STK10: variants seen among roughly 807,000 people sequenced by gnomAD.
STK10 encodes the protein serine/threonine kinase 10.
In STK10, 78 loss-of-function variants were observed where a neutral mutation model predicts 113.8. The observed-to-expected ratio is 0.69, with a 90% CI of 0.57 to 0.83. The LOEUF (loss-of-function observed/expected upper bound fraction) is 0.83. Ranked by LOEUF, STK10 falls within the 40% of genes least tolerant of loss-of-function variation. The pLI, the probability that STK10 is intolerant of heterozygous loss-of-function variation, is 0.00. For synonymous variants in STK10, 465 were observed against 494.7 expected (o/e 0.94, Z 0.80); for missense variants, 1,109 against 1,280.1 (o/e 0.87, Z 2.04).
Position 172,133,079 on chromosome 5 carries a change from C to T in STK10, c.322-5658G>A, listed in dbSNP as rs532656228. On this transcript the variant is annotated intron_variant, in intron 2 of 18. Transcript: ENST00000176763. This position sits in a 1 kb window ranked among gnomAD's most constrained non-coding sequence, Gnocchi z 4.9. ...GGGGCAGCAGGGAAAAGCGTGGAAG[C>T]GGGTAATGGCGGAGCATTCCATGGG... 3.1e-4 allele frequency among the ~76,000 whole-genome samples: 47 copies of T among 152,294 alleles called. No homozygotes were observed. Among genetic ancestry groups the T allele is most frequent in the African/African-American group, 9.4e-4 (39 of 41,564 alleles).
In STK10 at chr5:172,082,837, C is replaced by T. The variant is rs1048624689; in HGVS notation, c.1809+124G>A. On this transcript the variant is annotated intron_variant, in intron 11 of 18. Transcript: ENST00000176763. This position sits in a 1 kb window ranked among gnomAD's most constrained non-coding sequence, Gnocchi z 4.3. ...ACTGCCTAACAAGATCGGGAAGCCC[C>T]CAGGAATTGGGCAATTGTTGTGAAT... 8.3e-6 allele frequency: 12 copies of T among 1,453,634 alleles called. No individual in the cohort carries two copies. Among genetic ancestry groups the T allele is most frequent in the Non-Finnish European group, 1.1e-5 (12 of 1,082,668 alleles). The allele number at this position is 1,453,634 out of a possible 1,614,324, so 90.0% of individuals were successfully genotyped here.
rs746051124 is a variant in STK10 at position 172,107,772 on chromosome 5, C to G, written c.593+8G>C. The G allele has an allele frequency of 6.8e-6, 11 of 1,613,670 alleles. No homozygotes were observed. Among genetic ancestry groups the G allele is most frequent in the Admixed American group, 3.3e-5 (2 of 59,978 alleles). Reference sequence around the variant, plus strand: ...GTCCATTCCATTTCCAGAAGCTACACGACTCACCAGTAAGGCGTGCCGATG... The same window carrying G: ...GTCCATTCCATTTCCAGAAGCTACAGGACTCACCAGTAAGGCGTGCCGATG... On this transcript the variant is annotated splice_region_variant and intron_variant, in intron 5 of 18. Coordinates refer to ENST00000176763, the MANE Select transcript of STK10 (RefSeq NM_005990.4).
chr5:172,048,413 CT>C (rs1767541201), intron 18 of STK10, among the ~76,000 whole-genome samples: 3 of 37,958 alleles, frequency 7.9e-5, no homozygotes, highest in South Asian at 5.1e-4. Flanking sequence ...CTCCCTCTCC[CT>C]ACACACACAC....
intron 3 of STK10, 146 bp downstream of exon 3, chr5:172,127,227 G>C: frequency 1.3e-6 from 1 of 756,804 alleles, no homozygotes; most frequent in Non-Finnish European, 2.1e-6. Flanking sequence ...AGCAGACATA[G>C]TAGAGAGGTG....
At chr5:172,153,310 A>ATGAGAG in intron 2 of STK10, among the ~76,000 whole-genome samples, 1 of 151,946 alleles carries the variant, frequency 6.6e-6, no homozygotes, top group African/African-American at 2.4e-5. Context: ...GAAAGAAAGA[A>ATGAGAG]AGAAAGAAAG....
At chr5:172,138,444 T>C (rs1473308762) in intron 2 of STK10, among the ~76,000 whole-genome samples, 1 of 152,138 alleles carries the variant, frequency 6.6e-6, no homozygotes, top group Non-Finnish European at 1.5e-5. Flanking sequence ...TCTGTTGGTA[T>C]ACAACATAAT....
chr5:172,174,593 AAAG>A (rs372590681), intron 1 of STK10, among the ~76,000 whole-genome samples: 10 of 152,170 alleles, frequency 6.6e-5, no homozygotes, highest in African/African-American at 2.4e-4. Flanking sequence ...GACAGAAAAT[AAAG>A]AAGGAGAAAC....
intron 1 of STK10, among the ~76,000 whole-genome samples, chr5:172,164,630 G>A (rs1770531293): frequency 6.6e-6 from 1 of 152,136 alleles, no homozygotes; most frequent in Non-Finnish European, 1.5e-5. Flanking sequence ...TCTCATCTGG[G>A]CCTCAGTCTC....
At chr5:172,064,499 T>C (rs557862146) in intron 13 of STK10, 55 of 594,982 alleles carry the variant, frequency 9.2e-5, no homozygotes, top group Non-Finnish European at 1.5e-4. Flanking sequence ...AGTGTTGGGG[T>C]ATCCAGAGAT....
chr5:172,064,731 T>G lies in STK10; in HGVS notation c.2071A>C (p.Lys691Gln). The G allele has an allele frequency of 6.2e-7, 1 of 1,614,024 alleles. No homozygotes were observed. The change falls in exon 13 of 19, where the codon AAG becomes CAG. Residue 691 changes from lysine (K) to glutamine (Q), a missense_variant. Physicochemically the swap from Lys to Gln is moderately conservative, Grantham distance 53 (BLOSUM62 1). Coordinates refer to ENST00000176763, the MANE Select transcript of STK10 (RefSeq NM_005990.4). ...GGCCAGGGACTCACAAGAAGCTGCT[T>G]TTTCTGCGTGTGCTCCTCCATCTTC... ...KQKMEEHTQK[K>Q]QLLDRDFVAK... is the part of the protein sequence containing the mutation.
chr5:172,106,401 C>CAAAAAAAAAA lies in STK10; in HGVS notation c.788+209_788+218dup, dbSNP rs368671444. ...TGGGCAAAAGAGTGAGACCCTATCT[C>CAAAAAAAAAA]AAAAAAAAAAAAAAAAAGGAACACA... On this transcript the variant is annotated intron_variant, in intron 6 of 18. Coordinates refer to ENST00000176763, the MANE Select transcript of STK10 (RefSeq NM_005990.4). Among the ~76,000 whole-genome samples, 41 of 53,432 alleles carry CAAAAAAAAAA rather than the reference C, an allele frequency of 7.7e-4. 4 individuals are homozygous for CAAAAAAAAAA. Among genetic ancestry groups the CAAAAAAAAAA allele is most frequent in the Non-Finnish European group, 1.4e-3 (36 of 26,440 alleles). 35.1% of individuals were successfully genotyped at this position (53,432 alleles called of 152,430 possible). A position where few individuals can be genotyped will look rare whatever the true frequency, so the allele number is the denominator to read the frequency against.
At chr5:172,136,814 C>T (rs1270482222) in intron 2 of STK10, among the ~76,000 whole-genome samples, 3 of 147,132 alleles carry the variant, frequency 2.0e-5, no homozygotes, top group Non-Finnish European at 4.5e-5. Flanking sequence ...TTCATGAGAG[C>T]CTTTATTATT....
intron 2 of STK10, among the ~76,000 whole-genome samples, chr5:172,139,868 T>C (rs1303849651): frequency 7.2e-6 from 1 of 138,618 alleles, no homozygotes; most frequent in Non-Finnish European, 1.5e-5. Context: ...ATCTTGGCAA[T>C]GATTTCATGG....
intron 1 of STK10, among the ~76,000 whole-genome samples, chr5:172,159,109 C>T (rs1770410983): frequency 2.0e-5 from 3 of 152,160 alleles, no homozygotes; most frequent in Non-Finnish European, 4.4e-5. Flanking sequence ...CAATCCCACC[C>T]CATTGCACAC....
chr5:172,164,200 G>A (rs1311672511), intron 1 of STK10, among the ~76,000 whole-genome samples: 2 of 124,784 alleles, frequency 1.6e-5, no homozygotes, highest in African/African-American at 6.4e-5. Context: ...CAACAAGAGC[G>A]AAACTCCATC....
Position 172,066,691 on chromosome 5 carries a change from C to T in STK10, c.1990-1879G>A, listed in dbSNP as rs1461646158. 5.3e-5 allele frequency among the ~76,000 whole-genome samples: 8 copies of T among 152,162 alleles called. No homozygotes were observed. The South Asian group carries it at 8.3e-4, about 16-fold the overall frequency. On this transcript the variant is annotated intron_variant, in intron 12 of 18. Coordinates refer to ENST00000176763, the MANE Select transcript of STK10 (RefSeq NM_005990.4). ...TTATCCCAGCTCCTTGGGAAGGAGG[C>T]ATGAGAATCACTTGAACTCAGGCGG...
At chr5:172,048,894 A>AG (rs1369539871) in intron 18 of STK10, among the ~76,000 whole-genome samples, 7 of 149,932 alleles carry the variant, frequency 4.7e-5, no homozygotes, top group Admixed American at 3.3e-4. Context: ...CTCCGGCCGC[A>AG]GGGGTCTCCT....
At chr5:172,089,842 TGAATG>T (rs1768656729) in intron 10 of STK10, among the ~76,000 whole-genome samples, 2 of 151,588 alleles carry the variant, frequency 1.3e-5, no homozygotes, top group Non-Finnish European at 2.9e-5. Flanking sequence ...CGTGGATAAA[TGAATG>T]GAAGGATGGA....
At position 172,057,472 on chromosome 5, in the gene STK10, G is replaced by A. The variant is rs1767830432; in HGVS notation, c.2214C>T (p.Asp738=). ...CCATCTCCCACAGGGCTGCTTCCCGGTCTGCAGAGGACATGCCACCGAGCT... is the reference window on the plus strand; with the variant it reads ...CCATCTCCCACAGGGCTGCTTCCCGATCTGCAGAGGACATGCCACCGAGCT... The part of the protein sequence containing the change: ...CLMKKQELLR[D]REAALWEMEE... The change falls in exon 15 of 19, where the codon GAC becomes GAT. Residue 738 remains aspartate (D), a splice_region_variant and synonymous_variant. Coordinates refer to ENST00000176763, the MANE Select transcript of STK10 (RefSeq NM_005990.4). 1 of 1,549,918 alleles carries A rather than the reference G, an allele frequency of 6.5e-7. No individual in the cohort carries two copies. Among genetic ancestry groups the A allele is most frequent in the Non-Finnish European group, 8.7e-7 (1 of 1,146,908 alleles).
Sources: gnomAD v4.1 joint callset for allele counts (sites outside exome capture counted in the v4.1 genomes callset) on GRCh38, gnomAD v4.1.1 for gene constraint, Gnocchi (gnomAD v3.1) non-coding constraint, MANE v1.5 for transcripts, NCBI Gene and HGNC (gene_info 2026-07-23, HGNC 2026-07-21) for gene names.